Variants in PBRM1 observed in about 807,000 individuals in gnomAD.
The protein encoded by PBRM1 is polybromo 1.
In PBRM1, 27 loss-of-function variants were observed where a neutral mutation model predicts 194.5. The observed-to-expected ratio is 0.14, with a 90% confidence interval of 0.10 to 0.19. The LOEUF (loss-of-function observed/expected upper bound fraction) is 0.19, where lower values mean the gene tolerates loss of function less well. Ranked by LOEUF, PBRM1 falls within the 10% of genes least tolerant of loss-of-function variation. The pLI, the probability that PBRM1 is intolerant of heterozygous loss-of-function variation, is 1.00. For missense variants in PBRM1, 1,466 were observed against 2,077.2 expected (o/e 0.71, Z 5.72); for synonymous variants, 655 against 693.2 (o/e 0.94, Z 0.87).
chr3:52,651,725 T>C lies in PBRM1; in HGVS notation c.714+17A>G, dbSNP rs775289835. 8.8e-6 allele frequency: 13 copies of C among 1,470,464 alleles called. No individual in the cohort carries two copies. The highest frequency in any genetic ancestry group is 1.4e-5 in the African/African-American group (1 of 71,034). The allele number at this position is 1,470,464 out of a possible 1,614,324, so 91.1% of individuals were successfully genotyped here. On this transcript the variant is annotated intron_variant, in intron 6 of 29. Coordinates refer to ENST00000296302, the Ensembl canonical transcript of PBRM1. ...CTGCTCTAAACCACAATCATTTACT[T>C]ATGGTCATCTTCATACCTGTATCCT...
exon 9 of PBRM1, chr3:52,643,291 C>T: frequency 6.2e-7 from 1 of 1,613,962 alleles, no homozygotes; most frequent in Non-Finnish European, 8.5e-7. Context: ...CCAAGGCTGC[C>T]TTTACTGTGT....
At chr3:52,677,697 G>A (rs1354239453) in intron 2 of PBRM1, among the ~76,000 whole-genome samples, 1 of 152,122 alleles carries the variant, frequency 6.6e-6, no homozygotes, top group Non-Finnish European at 1.5e-5. Flanking sequence ...ACAGGAATGA[G>A]CCATTGCGCC....
At chr3:52,548,180 G>A (rs1351647250) in exon 30 of PBRM1, 1 of 1,610,292 alleles carries the variant, frequency 6.2e-7, no homozygotes, top group African/African-American at 1.3e-5. Flanking sequence ...TTTTCAGCCA[G>A]TGAGAGGGTA....
At chr3:52,549,443 G>A (rs1405164685) in intron 29 of PBRM1, among the ~76,000 whole-genome samples, 1 of 152,120 alleles carries the variant, frequency 6.6e-6, no homozygotes, top group Non-Finnish European at 1.5e-5. Context: ...GAGCCACCGT[G>A]CCTGGCCAAT....
exon 26 of PBRM1, chr3:52,558,412 C>A: frequency 6.5e-7 from 1 of 1,532,924 alleles, no homozygotes; most frequent in Non-Finnish European, 8.8e-7. Flanking sequence ...TAGCTGCCCG[C>A]TCTGTAAAGG....
intron 15 of PBRM1, among the ~76,000 whole-genome samples, chr3:52,614,733 G>A (rs1212546646): frequency 6.6e-6 from 1 of 151,962 alleles, no homozygotes; most frequent in African/African-American, 2.4e-5. Flanking sequence ...CCCATGTCCG[G>A]CTAATTTTTG....
intron 5 of PBRM1, among the ~76,000 whole-genome samples, chr3:52,653,027 G>T (rs993022080): frequency 1.4e-4 from 22 of 151,988 alleles, no homozygotes; most frequent in African/African-American, 5.3e-4. Flanking sequence ...TAAATTCACA[G>T]AATTATACAA....
At chr3:52,627,582 G>A (rs1193025922) in intron 12 of PBRM1, among the ~76,000 whole-genome samples, 1 of 152,132 alleles carries the variant, frequency 6.6e-6, no homozygotes, top group African/African-American at 2.4e-5. Flanking sequence ...GGTTCTACAG[G>A]GTTGAGGAGT....
chr3:52,604,958 AAAAT>A (rs144080973), intron 16 of PBRM1, among the ~76,000 whole-genome samples: 15 of 145,760 alleles, frequency 1.0e-4, no homozygotes, highest in African/African-American at 3.2e-4. Context: ...ACTCTGTCCC[AAAAT>A]AAATAAATAA....
chr3:52,674,467 G>T (rs1345620131), intron 2 of PBRM1, among the ~76,000 whole-genome samples: 5 of 121,494 alleles, frequency 4.1e-5, no homozygotes, highest in Non-Finnish European at 8.4e-5. Flanking sequence ...AGCCTGGTGC[G>T]AAACTCCATC....
upstream of PBRM1, chr3:52,682,051 A>G (rs1578434329): frequency 6.5e-6 from 1 of 153,088 alleles, no homozygotes; most frequent in African/African-American, 2.4e-5. Flanking sequence ...AAATGCTTTC[A>G]TATGTTTAAA....
intron 10 of PBRM1, among the ~76,000 whole-genome samples, chr3:52,639,841 G>A (rs889540607): frequency 6.6e-6 from 1 of 152,092 alleles, no homozygotes; most frequent in African/African-American, 2.4e-5. Context: ...AAAGTGCTGG[G>A]ATAAGAGGCG....
intron 25 of PBRM1, among the ~76,000 whole-genome samples, chr3:52,560,291 C>G (rs927371268): frequency 1.3e-5 from 2 of 152,204 alleles, no homozygotes; most frequent in Non-Finnish European, 2.9e-5. Context: ...CTGTGCTGCT[C>G]GCTCAGCAAT....
chr3:52,668,663 T>G lies in PBRM1; in HGVS notation c.237-18A>C. The G allele has an allele frequency of 6.8e-7, 1 of 1,474,784 alleles. No homozygotes were observed. Among genetic ancestry groups the G allele is most frequent in the Non-Finnish European group, 9.1e-7 (1 of 1,094,862 alleles). 91.4% of individuals were successfully genotyped at this position (1,474,784 alleles called of 1,614,324 possible). A position where few individuals can be genotyped will look rare whatever the true frequency, so the allele number is the denominator to read the frequency against. ...GTTGATTTCTGTTATAATTTAAATT[T>G]TTTTAAAGGAGATTAATCTGAAGCT... On this transcript the variant is annotated intron_variant, in intron 2 of 29. Transcript: ENST00000296302.
intron 27 of PBRM1, among the ~76,000 whole-genome samples, chr3:52,554,458 G>C (rs775392232): frequency 1.3e-5 from 2 of 152,266 alleles, no homozygotes; most frequent in Non-Finnish European, 2.9e-5. Flanking sequence ...ATTATCGATA[G>C]AGTATGCCTC....
At chr3:52,665,282 G>T (rs1285866166) in intron 3 of PBRM1, among the ~76,000 whole-genome samples, 1 of 151,992 alleles carries the variant, frequency 6.6e-6, no homozygotes, top group Non-Finnish European at 1.5e-5. Context: ...AGCCCCTCAA[G>T]TAGCTGGGAC....
At chr3:52,546,176 G>A (rs1281403651), downstream of PBRM1, 4 of 232,030 alleles carry the variant, frequency 1.7e-5, no homozygotes, top group East Asian at 1.8e-4. Flanking sequence ...CAGACCTTAA[G>A]GGAAATAAAA....
chr3:52,607,314 T>A (rs1399831842), intron 16 of PBRM1, among the ~76,000 whole-genome samples: 1 of 152,130 alleles, frequency 6.6e-6, no homozygotes, highest in Non-Finnish European at 1.5e-5. Flanking sequence ...TTACCAGGGA[T>A]CCCTTTTGTT....
intron 22 of PBRM1, among the ~76,000 whole-genome samples, chr3:52,565,421 T>C (rs2084872569): frequency 6.6e-6 from 1 of 151,544 alleles, no homozygotes; most frequent in Non-Finnish European, 1.5e-5. Flanking sequence ...GGCAGAAGAA[T>C]TGCTTGAACC....
Sources: allele counts gnomAD v4.1 joint callset (sites outside exome capture counted in the v4.1 genomes callset), GRCh38; gene constraint gnomAD v4.1.1; transcripts MANE v1.5; gene names NCBI Gene and HGNC (gene_info 2026-07-23, HGNC 2026-07-21).